Variants in PTPRD observed in about 807,000 individuals in gnomAD.
The protein encoded by PTPRD is protein tyrosine phosphatase receptor type D, also known as receptor-type tyrosine-protein phosphatase delta.
A neutral mutation model predicts 214.5 loss-of-function variants in PTPRD; 34 were observed. The ratio of observed to expected loss-of-function variants is 0.16; its 90% CI spans 0.12 to 0.21. The LOEUF (loss-of-function observed/expected upper bound fraction) is 0.21. Among genes scored for constraint, PTPRD ranks in the 10% least tolerant of loss-of-function variants. The pLI is 1.00. For synonymous variants in PTPRD, 1,128 were observed against 845.7 expected (o/e 1.33, Z -5.79); for missense variants, 2,545 against 2,398.7 (o/e 1.06, Z -1.27).
chr9:10,396,637 T>C (rs960246796), intron 2 of PTPRD, among the ~76,000 whole-genome samples: 5 of 151,958 alleles, frequency 3.3e-5, no homozygotes, highest in African/African-American at 9.7e-5. Flanking sequence ...TAGTAAAAGA[T>C]TTGATGGAAA....
At chr9:9,435,366 A>T (rs941499277) in intron 8 of PTPRD, among the ~76,000 whole-genome samples, 2 of 146,238 alleles carry the variant, frequency 1.4e-5, no homozygotes, top group African/African-American at 5.2e-5. Flanking sequence ...TCTACAAAAA[A>T]TTAAAAAATT....
chr9:8,558,531 A>G (rs1160097613), intron 14 of PTPRD, among the ~76,000 whole-genome samples: 4 of 152,192 alleles, frequency 2.6e-5, no homozygotes, highest in African/African-American at 9.7e-5. Context: ...GCCTGCTCTG[A>G]TGGAGAGAGC....
At chr9:9,201,045 A>T (rs534022186) in intron 9 of PTPRD, among the ~76,000 whole-genome samples, 1 of 152,336 alleles carries the variant, frequency 6.6e-6, no homozygotes, top group Admixed American at 6.5e-5. Flanking sequence ...TCAAGTCATA[A>T]GAGAAAAGAA....
chr9:8,874,691 A>T (rs1285568656), intron 11 of PTPRD, among the ~76,000 whole-genome samples: 1 of 152,172 alleles, frequency 6.6e-6, no homozygotes, highest in African/African-American at 2.4e-5. Flanking sequence ...TAATAGCTGC[A>T]TGTCATGGAA....
chr9:10,075,042 A>C (rs1207801526), intron 3 of PTPRD, among the ~76,000 whole-genome samples: 1 of 152,174 alleles, frequency 6.6e-6, no homozygotes, highest in Non-Finnish European at 1.5e-5. Context: ...TTATAAATTC[A>C]TTCTGTGTGG....
chr9:9,856,817 T>C (rs1401355900), intron 5 of PTPRD, among the ~76,000 whole-genome samples: 2 of 152,092 alleles, frequency 1.3e-5, no homozygotes, highest in African/African-American at 4.8e-5. Context: ...TGTTGCTTGA[T>C]GGGACTGGAA....
chr9:9,873,583 C>T (rs562776437), intron 5 of PTPRD, among the ~76,000 whole-genome samples: 2 of 152,192 alleles, frequency 1.3e-5, no homozygotes, highest in African/African-American at 2.4e-5. Context: ...ATACTGCTCC[C>T]TTCCTGCATT....
intron 5 of PTPRD, among the ~76,000 whole-genome samples, chr9:9,916,337 A>G (rs902895068): frequency 1.3e-5 from 2 of 151,932 alleles, no homozygotes; most frequent in Non-Finnish European, 2.9e-5. Flanking sequence ...AAACCATATC[A>G]CTATAGAAAA....
At chr9:9,930,866 G>A (rs10759107) in intron 5 of PTPRD, among the ~76,000 whole-genome samples, 78,119 of 151,786 alleles carry the variant, frequency 0.51, 23,254 homozygotes, top group East Asian at 0.91. Context: ...GGTTACCCTT[G>A]AAGTCCCTAC....
In PTPRD at chr9:9,500,983, C is replaced by G. The variant is rs2096395455; in HGVS notation, c.-237+73749G>C. On this transcript the variant is annotated intron_variant, in intron 8 of 45. Transcript: ENST00000381196. The stretch of plus-strand genomic sequence containing the variant: ...TAAATATTATAATCCCTAGAGCAAC[C>G]ATTAACAAAATACACACTGCTATGG... Among the ~76,000 whole-genome samples, 4 of 151,808 alleles carry G rather than the reference C, an allele frequency of 2.6e-5. No homozygotes were observed. In the South Asian group the frequency reaches 8.3e-4, roughly 32 times the overall value.
At chr9:8,612,596 T>C (rs1238311812) in intron 14 of PTPRD, among the ~76,000 whole-genome samples, 1 of 152,196 alleles carries the variant, frequency 6.6e-6, no homozygotes, top group Non-Finnish European at 1.5e-5. Context: ...GACAGAAGAA[T>C]AAGTTAATGA....
At chr9:9,275,113 TA>T (rs1944715674) in intron 9 of PTPRD, among the ~76,000 whole-genome samples, 2 of 54,302 alleles carry the variant, frequency 3.7e-5, no homozygotes, top group Non-Finnish European at 6.6e-5. Flanking sequence ...ATATATTATA[TA>T]TATATTATAT....
At position 8,587,311 on chromosome 9, in the gene PTPRD, T is replaced by C. The variant is rs969763095; in HGVS notation, c.352+46006A>G. Among the ~76,000 whole-genome samples the C allele has an allele frequency of 4.6e-5, 7 of 152,352 alleles. No homozygotes were observed. The East Asian group carries it at 1.2e-3, about 25-fold the overall frequency. On this transcript the variant is annotated intron_variant, in intron 14 of 45. Transcript: ENST00000381196. ...AACTGGTTTGATCATTATTTAGATT[T>C]TGGATTTATTTAGATTTTATATTTT... is the stretch of plus-strand genomic sequence containing the variant.
intron 11 of PTPRD, among the ~76,000 whole-genome samples, chr9:8,857,205 C>A (rs757977870): frequency 2.0e-5 from 3 of 152,122 alleles, no homozygotes; most frequent in Non-Finnish European, 4.4e-5. Context: ...AAAAAGAAAT[C>A]GCCCCCTCAC....
chr9:8,471,447 T>C (rs969996406), intron 30 of PTPRD, among the ~76,000 whole-genome samples: 4 of 152,146 alleles, frequency 2.6e-5, no homozygotes, highest in Non-Finnish European at 4.4e-5. Context: ...TTCTATGACA[T>C]GAATTTATAA....
rs200647816 is a variant in PTPRD at position 10,126,424 on chromosome 9, TATACACACACAC to T, written c.-544-92646_-544-92635del. Among the ~76,000 whole-genome samples the T allele has an allele frequency of 2.7e-3, 356 of 130,998 alleles. 2 individuals are homozygous for T. In the East Asian group the frequency reaches 0.059, roughly 22 times the overall value. The allele number at this position is 130,998 out of a possible 152,430, so 85.9% of individuals were successfully genotyped here. A position where few individuals can be genotyped will look rare whatever the true frequency, so the allele number is the denominator to read the frequency against. ...ATTCCTTAAATAATACTGTTTTATATATACACACACACACACACACACACACACACACACACA... is the reference window on the plus strand; with the variant it reads ...ATTCCTTAAATAATACTGTTTTATATACACACACACACACACACACACACA... On this transcript the variant is annotated intron_variant, in intron 3 of 45. Coordinates refer to ENST00000381196, the MANE Select transcript of PTPRD (RefSeq NM_002839.4).
chr9:8,634,638 C>T (rs2096370482), intron 13 of PTPRD, among the ~76,000 whole-genome samples: 3 of 151,950 alleles, frequency 2.0e-5, no homozygotes, highest in Admixed American at 1.3e-4. Flanking sequence ...AATAAATCTA[C>T]TATGCATCTT....
intron 3 of PTPRD, among the ~76,000 whole-genome samples, chr9:10,154,580 G>C (rs59965493): frequency 0.18 from 27,325 of 152,020 alleles, 2,834 homozygotes; most frequent in Admixed American, 0.32. Flanking sequence ...GTCTTCCAGA[G>C]TTTTTATAAT....
intron 8 of PTPRD, among the ~76,000 whole-genome samples, chr9:9,458,985 A>G (rs542596119): frequency 6.6e-6 from 1 of 152,120 alleles, no homozygotes; most frequent in Non-Finnish European, 1.5e-5. Context: ...AAGAAAATAA[A>G]TCAGAGTTGC....
Sources: allele counts gnomAD v4.1 joint callset (sites outside exome capture counted in the v4.1 genomes callset), GRCh38; gene constraint gnomAD v4.1.1; transcripts MANE v1.5; gene names NCBI Gene and HGNC (gene_info 2026-07-23, HGNC 2026-07-21).